SLC39A11: variants seen among roughly 807,000 people sequenced by gnomAD.
SLC39A11 encodes the protein zinc transporter ZIP11.
In SLC39A11, 33 loss-of-function variants were observed where a neutral mutation model predicts 36.1. The ratio of observed to expected loss-of-function variants is 0.91; its 90% confidence interval spans 0.69 to 1.22. The LOEUF (loss-of-function observed/expected upper bound fraction) is 1.22. SLC39A11 is among the 50% of genes most tolerant of loss of function. The pLI is 0.00. For missense variants in SLC39A11, 432 were observed against 430.3 expected (o/e 1.00, Z -0.03); for synonymous variants, 166 against 170.3 (o/e 0.97, Z 0.20).
At chr17:72,918,171 G>A (rs544143843) in intron 5 of SLC39A11, among the ~76,000 whole-genome samples, 1 of 152,330 alleles carries the variant, frequency 6.6e-6, no homozygotes, top group Non-Finnish European at 1.5e-5. Context: ...CACTTTGGGA[G>A]GCCGAGGCGG....
intron 5 of SLC39A11, among the ~76,000 whole-genome samples, chr17:72,931,427 T>A (rs1389684333): frequency 6.6e-6 from 1 of 152,174 alleles, no homozygotes; most frequent in African/African-American, 2.4e-5. Flanking sequence ...ACTGCATCTG[T>A]TCACCTGTGG....
At chr17:73,040,559 T>C (rs774962906) in intron 3 of SLC39A11, among the ~76,000 whole-genome samples, 1 of 152,226 alleles carries the variant, frequency 6.6e-6, no homozygotes, top group Admixed American at 6.5e-5. Context: ...AAATGTGTCA[T>C]GATTATTTAT....
chr17:72,792,115 A>G (rs142879135), intron 6 of SLC39A11, among the ~76,000 whole-genome samples: 20 of 152,314 alleles, frequency 1.3e-4, no homozygotes, highest in Non-Finnish European at 2.6e-4. Context: ...CTTAAATAGT[A>G]TGAAAATAGT....
At chr17:72,985,696 A>T (rs2088692779) in intron 4 of SLC39A11, among the ~76,000 whole-genome samples, 1 of 152,124 alleles carries the variant, frequency 6.6e-6, no homozygotes, top group Non-Finnish European at 1.5e-5. Flanking sequence ...TACAGGCATG[A>T]GCCACCGCAT....
At chr17:72,649,644 CTTTT>C (rs5821920) in intron 7 of SLC39A11, among the ~76,000 whole-genome samples, 1 of 138,200 alleles carries the variant, frequency 7.2e-6, no homozygotes. Context: ...TTTTCTTTTT[CTTTT>C]TTTTTTTTTT....
At chr17:72,843,965 A>AT (rs1056557872) in intron 6 of SLC39A11, among the ~76,000 whole-genome samples, 15 of 151,892 alleles carry the variant, frequency 9.9e-5, no homozygotes, top group African/African-American at 3.1e-4. Flanking sequence ...CCAAAAAAAA[A>AT]TTTTTTTTAG....
chr17:72,657,568 G>A (rs1024022843), intron 7 of SLC39A11, among the ~76,000 whole-genome samples: 4 of 152,100 alleles, frequency 2.6e-5, no homozygotes, highest in African/African-American at 7.2e-5. Context: ...TGAATACAGT[G>A]TCCCTTTTGG....
intron 5 of SLC39A11, among the ~76,000 whole-genome samples, chr17:72,913,933 GA>G (rs1363439515): frequency 6.8e-6 from 1 of 148,024 alleles, no homozygotes; most frequent in East Asian, 2.0e-4. Context: ...AGTTGCCAAA[GA>G]AAAAGAAATC....
intron 6 of SLC39A11, among the ~76,000 whole-genome samples, chr17:72,737,556 T>C (rs2074484117): frequency 6.6e-6 from 1 of 152,242 alleles, no homozygotes; most frequent in African/African-American, 2.4e-5. Flanking sequence ...CCCAAAGATG[T>C]CACTGCAGAC....
chr17:73,002,286 T>C (rs1158283251), intron 4 of SLC39A11, among the ~76,000 whole-genome samples: 3 of 152,152 alleles, frequency 2.0e-5, no homozygotes, highest in African/African-American at 4.8e-5. Flanking sequence ...ACAATTCCTA[T>C]GAAGTAGGTA....
In SLC39A11 at chr17:72,749,081, C is replaced by T. The variant is rs144323467; in HGVS notation, c.602-12362G>A. On this transcript the variant is annotated intron_variant, in intron 6 of 9. Transcript: ENST00000255559. ...AAGGGACTAAGCAGAAGCAAAGAGG[C>T]AGGTGAGGTAGGTTCTGACTCAGTG... Among the ~76,000 whole-genome samples, 130 of 152,290 alleles carry T rather than the reference C, an allele frequency of 8.5e-4. 1 individual carries two copies. Among genetic ancestry groups the T allele is most frequent in the Non-Finnish European group, 1.7e-3 (114 of 68,024 alleles).
At chr17:73,023,705 G>T (rs146018511) in intron 4 of SLC39A11, among the ~76,000 whole-genome samples, 318 of 152,302 alleles carry the variant, frequency 2.1e-3, no homozygotes, top group East Asian at 0.017. Flanking sequence ...TAGCCAGGCT[G>T]GTCTCGATCT....
intron 4 of SLC39A11, among the ~76,000 whole-genome samples, chr17:72,967,370 C>CATAGAGAGAGAGAG (rs145494947): frequency 9.1e-6 from 1 of 110,034 alleles, no homozygotes; most frequent in African/African-American, 3.1e-5. Context: ...TAAGCATGCT[C>CATAGAGAGAGAGAG]AGAGAGAGAG....
chr17:72,821,962 C>T (rs1027231906), intron 6 of SLC39A11: 2 of 151,386 alleles, frequency 1.3e-5, no homozygotes, highest in Non-Finnish European at 3.0e-5. Flanking sequence ...CATTGGTGTA[C>T]ACTGAGGGTC....
At chr17:72,901,659 T>C (rs535467809) in intron 5 of SLC39A11, among the ~76,000 whole-genome samples, 209 of 152,306 alleles carry the variant, frequency 1.4e-3, no homozygotes, top group African/African-American at 5.0e-3. Context: ...ATTAAATATA[T>C]TCCCAGCAGA....
At chr17:72,740,052 T>TTTTC (rs2074609553) in intron 6 of SLC39A11, among the ~76,000 whole-genome samples, 1 of 119,068 alleles carries the variant, frequency 8.4e-6, no homozygotes, top group Non-Finnish European at 1.7e-5. Flanking sequence ...ATTTCTTTCC[T>TTTTC]TTTCTTTTTT....
intron 7 of SLC39A11, among the ~76,000 whole-genome samples, chr17:72,727,150 G>A (rs1406785742): frequency 6.6e-6 from 1 of 152,182 alleles, no homozygotes; most frequent in South Asian, 2.1e-4. Flanking sequence ...AGCATAAACA[G>A]TCTTACTCTC....
intron 5 of SLC39A11, among the ~76,000 whole-genome samples, chr17:72,854,394 A>G (rs534852989): frequency 6.6e-6 from 1 of 152,042 alleles, no homozygotes; most frequent in Non-Finnish European, 1.5e-5. Context: ...CTGCCGTGAG[A>G]AGGAGAGTCT....
chr17:73,057,544 C>T (rs184013910), intron 3 of SLC39A11, among the ~76,000 whole-genome samples: 4 of 152,220 alleles, frequency 2.6e-5, no homozygotes, highest in Admixed American at 6.5e-5. Context: ...CTCAGATCAA[C>T]GAGGTCTGCT....
Sources: gnomAD v4.1 joint callset for allele counts (sites outside exome capture counted in the v4.1 genomes callset) on GRCh38, gnomAD v4.1.1 for gene constraint, MANE v1.5 for transcripts, NCBI Gene and HGNC (gene_info 2026-07-23, HGNC 2026-07-21) for gene names.